The following GALNTL6 variants were observed in gnomAD, a reference collection of about 807,000 sequenced individuals.
GALNTL6 encodes the protein polypeptide N-acetylgalactosaminyltransferase like 6.
In GALNTL6, 46 loss-of-function variants were observed where a neutral mutation model predicts 73.7. The observed-to-expected ratio is 0.62, with a 90% confidence interval of 0.49 to 0.80. The LOEUF (loss-of-function observed/expected upper bound fraction) is 0.80, where lower values mean the gene tolerates loss of function less well. Among genes scored for constraint, GALNTL6 ranks in the 30% least tolerant of loss-of-function variants. The pLI, the probability that GALNTL6 is intolerant of heterozygous loss-of-function variation, is 0.00. For missense variants in GALNTL6, 604 were observed against 755.0 expected (o/e 0.80, Z 2.34); for synonymous variants, 259 against 263.7 (o/e 0.98, Z 0.17).
chr4:172,905,100 G>A (rs1207402421), intron 8 of GALNTL6, among the ~76,000 whole-genome samples: 1 of 152,084 alleles, frequency 6.6e-6, no homozygotes, highest in Non-Finnish European at 1.5e-5. Flanking sequence ...TAACGGGTTA[G>A]CACTTAAATG....
intron 2 of GALNTL6, among the ~76,000 whole-genome samples, chr4:171,996,681 CT>C (rs113042335): frequency 0.019 from 2,787 of 147,322 alleles, 92 homozygotes; most frequent in African/African-American, 0.064. Context: ...AAGAAACATT[CT>C]CTTGGGCCAC....
intron 12 of GALNTL6, among the ~76,000 whole-genome samples, chr4:173,037,138 T>G (rs907102143): frequency 6.6e-6 from 1 of 152,228 alleles, no homozygotes; most frequent in Non-Finnish European, 1.5e-5. Context: ...CGGGACTTGC[T>G]GAGCACTCCC....
intron 5 of GALNTL6, among the ~76,000 whole-genome samples, chr4:172,664,087 T>C (rs2111187132): frequency 6.6e-6 from 1 of 152,304 alleles, no homozygotes; most frequent in Middle Eastern, 3.4e-3. Flanking sequence ...AGACATTTGA[T>C]AGCAATTCTG....
chr4:172,685,019 A>G (rs1252602922), intron 5 of GALNTL6, among the ~76,000 whole-genome samples: 1 of 152,214 alleles, frequency 6.6e-6, no homozygotes, highest in African/African-American at 2.4e-5. Context: ...CCTTGTACAT[A>G]TTGTAAATAC....
At chr4:173,010,571 GTGTTTTTTTTGT>G (rs1161343766) in intron 11 of GALNTL6, among the ~76,000 whole-genome samples, 2 of 151,438 alleles carry the variant, frequency 1.3e-5, no homozygotes, top group East Asian at 1.9e-4. Context: ...AATTTTTAGT[GTGTTTTTTTTGT>G]TGTTTTTTTT....
In GALNTL6 at chr4:173,040,167, C is replaced by G; in HGVS notation, c.*67C>G. 1 of 1,225,532 alleles carries G rather than the reference C, an allele frequency of 8.2e-7. No homozygotes were observed. 75.9% of individuals were successfully genotyped at this position (1,225,532 alleles called of 1,614,324 possible). The stretch of plus-strand genomic sequence containing the variant: ...ATTAAATTTTAGCCAGCATCTGGGT[C>G]GAAGGAGTCAGGAATAACATTTCCT... On this transcript the variant is annotated 3_prime_UTR_variant, in exon 13 of 13. Coordinates refer to ENST00000506823, the MANE Select transcript of GALNTL6 (RefSeq NM_001034845.3).
intron 2 of GALNTL6, among the ~76,000 whole-genome samples, chr4:172,035,699 G>A (rs528342036): frequency 6.6e-6 from 1 of 152,058 alleles, no homozygotes; most frequent in Non-Finnish European, 1.5e-5. Context: ...TCTACAAAGC[G>A]ACATGGAGCA....
chr4:171,860,692 G>A (rs1277632444), intron 2 of GALNTL6, among the ~76,000 whole-genome samples: 1 of 152,122 alleles, frequency 6.6e-6, no homozygotes, highest in East Asian at 1.9e-4. Context: ...GATTTTATTT[G>A]ACCAATCAGT....
intron 8 of GALNTL6, among the ~76,000 whole-genome samples, chr4:172,902,956 CACT>C (rs1746703062): frequency 6.6e-6 from 1 of 152,196 alleles, no homozygotes. Context: ...AAAATTAATT[CACT>C]ACAATTCCTC....
chr4:172,030,505 G>A (rs1741734116), intron 2 of GALNTL6, among the ~76,000 whole-genome samples: 1 of 151,982 alleles, frequency 6.6e-6, no homozygotes, highest in African/African-American at 2.4e-5. Context: ...GAGGTCAGGA[G>A]TTTGAGACCA....
At chr4:171,904,768 G>A (rs1292191150) in intron 2 of GALNTL6, among the ~76,000 whole-genome samples, 2 of 152,184 alleles carry the variant, frequency 1.3e-5, no homozygotes, top group Admixed American at 6.5e-5. Flanking sequence ...CCCTCAAAGG[G>A]AAGCCCATCA....
chr4:172,400,548 G>A (rs1744000253), intron 5 of GALNTL6, among the ~76,000 whole-genome samples: 1 of 152,114 alleles, frequency 6.6e-6, no homozygotes, highest in Admixed American at 6.6e-5. Context: ...ACTCTAGACA[G>A]AGTTTAGGAG....
chr4:172,282,403 G>A (rs1739092977), intron 3 of GALNTL6, among the ~76,000 whole-genome samples: 1 of 152,132 alleles, frequency 6.6e-6, no homozygotes, highest in Admixed American at 6.5e-5. Context: ...TAGCGTACTA[G>A]TGGCAAGAAA....
At chr4:172,224,973 T>G (rs1736803023) in intron 2 of GALNTL6, among the ~76,000 whole-genome samples, 1 of 152,094 alleles carries the variant, frequency 6.6e-6, no homozygotes, top group South Asian at 2.1e-4. Context: ...TTTTTTCAAG[T>G]TAATTATTTG....
chr4:172,610,193 T>C (rs113382854), intron 5 of GALNTL6, among the ~76,000 whole-genome samples: 4,706 of 152,130 alleles, frequency 0.031, 110 homozygotes, highest in South Asian at 0.087. Context: ...AATCTCCAGT[T>C]CAGCTCTGAT....
chr4:172,547,462 A>G (rs891257437), intron 5 of GALNTL6, among the ~76,000 whole-genome samples: 4 of 152,126 alleles, frequency 2.6e-5, no homozygotes, highest in African/African-American at 9.7e-5. Context: ...CACACTCCCA[A>G]AGAATATATA....
chr4:172,343,517 T>TA (rs1741640913), intron 4 of GALNTL6, among the ~76,000 whole-genome samples: 2 of 152,160 alleles, frequency 1.3e-5, no homozygotes, highest in Non-Finnish European at 1.5e-5. Flanking sequence ...TGGCCTTTTT[T>TA]ATTGTTGAAA....
intron 2 of GALNTL6, among the ~76,000 whole-genome samples, chr4:172,160,349 GA>G (rs35325563): frequency 0.011 from 1,601 of 143,524 alleles, 15 homozygotes; most frequent in Middle Eastern, 0.028. Context: ...AGGACTGAAA[GA>G]AAAAAAAAAA....
intron 2 of GALNTL6, among the ~76,000 whole-genome samples, chr4:171,983,338 G>A (rs1344007636): frequency 6.6e-6 from 1 of 152,106 alleles, no homozygotes; most frequent in African/African-American, 2.4e-5. Context: ...CTCTATTCCT[G>A]TAACAGGTGC....
Sources: gnomAD v4.1 joint callset for allele counts (sites outside exome capture counted in the v4.1 genomes callset) on GRCh38, gnomAD v4.1.1 for gene constraint, MANE v1.5 for transcripts, NCBI Gene and HGNC (gene_info 2026-07-23, HGNC 2026-07-21) for gene names.